Variants in TIAM1 observed in about 807,000 individuals in gnomAD.
TIAM1 encodes rho guanine nucleotide exchange factor TIAM1.
A neutral mutation model predicts 163.5 loss-of-function variants in TIAM1; 65 were observed. The observed-to-expected ratio is 0.40, with a 90% CI of 0.33 to 0.49. The LOEUF is 0.49. TIAM1 is among the 20% of genes least tolerant of loss of function. The probability of loss-of-function intolerance (pLI) is 0.77; values close to 1 mark genes in which losing one functional copy is unlikely to be tolerated. For synonymous variants in TIAM1, 833 were observed against 810.1 expected, an observed-to-expected ratio of 1.03 and a Z score of -0.48; for missense variants, 1,789 against 2,044.7, an observed-to-expected ratio of 0.87 and a Z score of 2.41.
At chr21:31,516,079 G>C (rs1406398303) in intron 1 of TIAM1, among the ~76,000 whole-genome samples, 1 of 145,610 alleles carries the variant, frequency 6.9e-6, no homozygotes, top group Non-Finnish European at 1.5e-5. Flanking sequence ...CCACACTCCG[G>C]CATGGGAGAT....
chr21:31,404,292 T>C (rs915976089), intron 2 of TIAM1, among the ~76,000 whole-genome samples: 1 of 152,112 alleles, frequency 6.6e-6, no homozygotes, highest in Non-Finnish European at 1.5e-5. Flanking sequence ...AATAACCAAA[T>C]TGCTTGGTCT....
At chr21:31,390,452 T>C (rs1012354167) in intron 2 of TIAM1, among the ~76,000 whole-genome samples, 2 of 152,228 alleles carry the variant, frequency 1.3e-5, no homozygotes, top group African/African-American at 4.8e-5. Context: ...TGCCTTTTCC[T>C]ATGTATTGAA....
chr21:31,257,909 A>G (rs1183129020), intron 4 of TIAM1, among the ~76,000 whole-genome samples: 1 of 63,944 alleles, frequency 1.6e-5, no homozygotes, highest in Non-Finnish European at 3.1e-5. Context: ...CCTCCACCCC[A>G]CCCCAGCCAC....
intron 16 of TIAM1, among the ~76,000 whole-genome samples, chr21:31,158,420 C>T (rs545489957): frequency 1.3e-4 from 20 of 152,214 alleles, no homozygotes; most frequent in South Asian, 6.2e-4. Context: ...GTTTCCCCAC[C>T]GGCAACCCTA....
At chr21:31,507,940 G>A (rs1014160237) in intron 1 of TIAM1, among the ~76,000 whole-genome samples, 18 of 152,300 alleles carry the variant, frequency 1.2e-4, no homozygotes, top group African/African-American at 4.1e-4. Flanking sequence ...TAGGGTCTTC[G>A]TAGACATAAT....
chr21:31,213,855 C>T lies in TIAM1; in HGVS notation c.2143-383G>A, dbSNP rs142277667. Among the ~76,000 whole-genome samples the T allele has an allele frequency of 4.9e-3, 627 of 128,698 alleles. 7 individuals carry two copies. Among genetic ancestry groups the T allele is most frequent in the African/African-American group, 0.023 (597 of 25,908 alleles). The allele number at this position is 128,698 out of a possible 152,430, so 84.4% of individuals were successfully genotyped here. On this transcript the variant is annotated intron_variant, in intron 9 of 27. Coordinates refer to ENST00000541036, the MANE Select transcript of TIAM1 (RefSeq NM_001353694.2). ...GACCAGCCTGGGCAATATAGTTAGA[C>T]CTCATCTCTACAAAAAAAAAAAAAA...
At chr21:31,461,339 G>A (rs538288047) in intron 2 of TIAM1, among the ~76,000 whole-genome samples, 1 of 152,182 alleles carries the variant, frequency 6.6e-6, no homozygotes, top group East Asian at 1.9e-4. Flanking sequence ...CAAAAAATTA[G>A]CTGGGCGTGA....
At chr21:31,169,205 A>C (rs2084388773) in intron 15 of TIAM1, among the ~76,000 whole-genome samples, 1 of 152,152 alleles carries the variant, frequency 6.6e-6, no homozygotes, top group South Asian at 2.1e-4. Context: ...GAGGCAGGAG[A>C]ATCACTTGAA....
intron 1 of TIAM1, among the ~76,000 whole-genome samples, chr21:31,498,571 G>A (rs1456608790): frequency 6.6e-6 from 1 of 152,218 alleles, no homozygotes; most frequent in Non-Finnish European, 1.5e-5. Flanking sequence ...TGTACCACAT[G>A]AACTGTAGCC....
At chr21:31,469,235 C>T (rs930225518) in intron 1 of TIAM1, among the ~76,000 whole-genome samples, 2 of 151,598 alleles carry the variant, frequency 1.3e-5, no homozygotes, top group Non-Finnish European at 2.9e-5. Flanking sequence ...TACAGGCACA[C>T]GCCACCACAC....
intron 13 of TIAM1, among the ~76,000 whole-genome samples, chr21:31,189,914 G>C (rs2085473504): frequency 6.6e-6 from 1 of 152,076 alleles, no homozygotes; most frequent in Non-Finnish European, 1.5e-5. Context: ...CTTTTAAATA[G>C]GACAGCAATG....
In TIAM1 at chr21:31,281,085, CAAAAAAAAAAAAA is replaced by C. The variant is rs748020575; in HGVS notation, c.-188-4190_-188-4178del. Among the ~76,000 whole-genome samples, 4 of 63,758 alleles carry C rather than the reference CAAAAAAAAAAAAA, an allele frequency of 6.3e-5. No homozygotes were observed. In the Admixed American group the frequency reaches 7.6e-4, roughly 12 times the overall value. The allele number at this position is 63,758 out of a possible 152,430, so 41.8% of individuals were successfully genotyped here. A position where few individuals can be genotyped will look rare whatever the true frequency, so the allele number is the denominator to read the frequency against. On this transcript the variant is annotated intron_variant, in intron 2 of 27. Coordinates refer to ENST00000541036, the MANE Select transcript of TIAM1 (RefSeq NM_001353694.2). Reference sequence around the variant, plus strand: ...TGGGCAACAAAGTGAGACCCTAACTCAAAAAAAAAAAAAAAAAAAAAAACAACGACAAAAAAAC... The same window carrying C: ...TGGGCAACAAAGTGAGACCCTAACTCAAAAAAAAAACAACGACAAAAAAAC...
intron 1 of TIAM1, among the ~76,000 whole-genome samples, chr21:31,472,669 C>T (rs2045786882): frequency 6.6e-6 from 1 of 152,208 alleles, no homozygotes; most frequent in South Asian, 2.1e-4. Context: ...GCACCACCAG[C>T]CCATGAGCCT....
chr21:31,183,110 G>A (rs16987898), intron 14 of TIAM1, among the ~76,000 whole-genome samples: 7,597 of 152,202 alleles, frequency 0.05, 676 homozygotes, highest in African/African-American at 0.17. Flanking sequence ...AATGCAGGGC[G>A]TTCACTCTGG....
chr21:31,237,396 G>A (rs1045288526), intron 6 of TIAM1, among the ~76,000 whole-genome samples: 3 of 152,154 alleles, frequency 2.0e-5, no homozygotes, highest in Non-Finnish European at 2.9e-5. Flanking sequence ...TGAGCCTGAC[G>A]AAACTCAAGA....
At chr21:31,312,353 A>T (rs2074960684) in intron 2 of TIAM1, among the ~76,000 whole-genome samples, 1 of 152,188 alleles carries the variant, frequency 6.6e-6, no homozygotes, top group South Asian at 2.1e-4. Flanking sequence ...GTGAGCCATG[A>T]GAGTTAAGCA....
At chr21:31,525,347 G>A (rs1276083160) in intron 1 of TIAM1, among the ~76,000 whole-genome samples, 2 of 148,262 alleles carry the variant, frequency 1.3e-5, no homozygotes, top group South Asian at 2.1e-4. Context: ...CAACCTGGGC[G>A]ACAGAGCCAG....
intron 11 of TIAM1, among the ~76,000 whole-genome samples, chr21:31,205,982 A>G (rs933370958): frequency 6.6e-6 from 1 of 152,182 alleles, no homozygotes; most frequent in African/African-American, 2.4e-5. Flanking sequence ...AAATTAATAA[A>G]TAAGTAAAAG....
chr21:31,317,729 G>A (rs1470527823), intron 2 of TIAM1, among the ~76,000 whole-genome samples: 6 of 152,020 alleles, frequency 3.9e-5, no homozygotes, highest in South Asian at 2.1e-4. Context: ...GTAGTGAGCC[G>A]ACATCACACC....
Sources: allele counts gnomAD v4.1 joint callset (sites outside exome capture counted in the v4.1 genomes callset), GRCh38; gene constraint gnomAD v4.1.1; transcripts MANE v1.5; gene names NCBI Gene and HGNC (gene_info 2026-07-23, HGNC 2026-07-21).